HNRNPD: variants seen among roughly 807,000 people sequenced by gnomAD.
The protein encoded by HNRNPD is heterogeneous nuclear ribonucleoprotein D.
HNRNPD carries 3 observed loss-of-function variants against 47.9 expected under a neutral mutation model. The ratio of observed to expected loss-of-function variants is 0.06; its 90% CI spans 0.03 to 0.16. The LOEUF (loss-of-function observed/expected upper bound fraction) is 0.16, where lower values mean the gene tolerates loss of function less well. HNRNPD is among the 10% of genes least tolerant of loss of function. HNRNPD has a pLI of 1.00. For synonymous variants in HNRNPD, 171 were observed against 165.1 expected, an observed-to-expected ratio of 1.04 and a Z score of -0.28; for missense variants, 287 against 454.2, an observed-to-expected ratio of 0.63 and a Z score of 3.35.
chr4:82,362,016 G>A (rs374807901), intron 2 of HNRNPD, among the ~76,000 whole-genome samples: 2 of 152,122 alleles, frequency 1.3e-5, no homozygotes, highest in Non-Finnish European at 2.9e-5. Context: ...TTAAAGCACC[G>A]CCTGCCCTCT....
chr4:82,371,348 A>G (rs1720037499), intron 2 of HNRNPD, among the ~76,000 whole-genome samples, 180 bp downstream of exon 2: 1 of 152,202 alleles, frequency 6.6e-6, no homozygotes, highest in African/African-American at 2.4e-5. Flanking sequence ...AACGGCATCA[A>G]TTTTGCCCAA....
chr4:82,368,354 G>A (rs1032430672), intron 2 of HNRNPD, among the ~76,000 whole-genome samples: 2 of 151,972 alleles, frequency 1.3e-5, no homozygotes, highest in African/African-American at 2.4e-5. Flanking sequence ...AGAGTACCCA[G>A]GAAATATTAA....
chr4:82,373,972 G>A lies in HNRNPD; in HGVS notation c.-294C>T, dbSNP rs552938454. On this transcript the variant is annotated 5_prime_UTR_variant, in exon 1 of 9. Transcript: ENST00000313899. Reference sequence around the variant, plus strand: ...TCCTCGCTTTAATGGCGCCGCCGCGGACCACCTAAAATGGCCGACGGAAGA... The same window carrying A: ...TCCTCGCTTTAATGGCGCCGCCGCGAACCACCTAAAATGGCCGACGGAAGA... 2.6e-5 allele frequency: 17 copies of A among 656,784 alleles called. 1 individual carries two copies. The highest frequency in any genetic ancestry group is 1.6e-4 in the South Asian group (7 of 44,840). 40.7% of individuals were successfully genotyped at this position (656,784 alleles called of 1,614,324 possible). A position where few individuals can be genotyped will look rare whatever the true frequency, so the allele number is the denominator to read the frequency against.
intron 8 of HNRNPD, chr4:82,354,475 A>C (rs1723635021): frequency 6.5e-6 from 1 of 152,674 alleles, no homozygotes; most frequent in Non-Finnish European, 1.5e-5. Context: ...TCTAATATTT[A>C]AGCTTATTTT....
At position 82,356,925 on chromosome 4, in the gene HNRNPD, G is replaced by C. The variant is rs575304975; in HGVS notation, c.754-30C>G. ...AAGAGAAAAATTACATTATTAAACT[G>C]ACTCAAGAAAATAAAAGTTGCTAAA... On this transcript the variant is annotated intron_variant, in intron 5 of 8. Transcript: ENST00000313899. 1.3e-5 allele frequency: 20 copies of C among 1,553,916 alleles called. No individual in the cohort carries two copies. In the South Asian group the frequency reaches 2.2e-4, roughly 17 times the overall value.
At chr4:82,367,172 TA>T (rs539687864) in intron 2 of HNRNPD, among the ~76,000 whole-genome samples, 196 of 152,284 alleles carry the variant, frequency 1.3e-3, no homozygotes, top group African/African-American at 4.4e-3. Flanking sequence ...TAATTAACTT[TA>T]AATGCTTAAT....
Position 82,353,675 on chromosome 4 carries a change from A to C in HNRNPD, c.*510T>G, listed in dbSNP as rs1022155566. On this transcript the variant is annotated 3_prime_UTR_variant, in exon 9 of 9. Coordinates refer to ENST00000313899, the MANE Select transcript of HNRNPD (RefSeq NM_031370.3). ...CCAATTTGGACAGGGAGGACACATT[A>C]TGGCAAAAATTAGATTTTGCTAAAA... is the stretch of plus-strand genomic sequence containing the variant. 2.0e-5 allele frequency: 3 copies of C among 152,672 alleles called. No individual in the cohort carries two copies. Among genetic ancestry groups the C allele is most frequent in the African/African-American group, 7.2e-5 (3 of 41,478 alleles). The allele number at this position is 152,672 out of a possible 1,614,324, so 9.5% of individuals were successfully genotyped here. A position where few individuals can be genotyped will look rare whatever the true frequency, so the allele number is the denominator to read the frequency against.
In HNRNPD at chr4:82,373,550, G is replaced by A. The variant is rs1720237444; in HGVS notation, c.129C>T (p.Ser43=). Reference sequence around the variant, plus strand: ...CGGTTCCGCCCCCGGTCCCGGCTCCGCTTCCCGCCGCCGCCGCTGCCCCCT... The same window carrying A: ...CGGTTCCGCCCCCGGTCCCGGCTCCACTTCCCGCCGCCGCCGCTGCCCCCT... ...ATQGAAAAAG[S]GAGTGGGTAS... is the part of the protein sequence containing the mutation. The change falls in exon 1 of 9, where the codon AGC becomes AGT. Residue 43 remains serine, a synonymous_variant. Coordinates refer to ENST00000313899, the MANE Select transcript of HNRNPD (RefSeq NM_031370.3). 2 of 1,537,280 alleles carry A rather than the reference G, an allele frequency of 1.3e-6. No homozygotes were observed. Among genetic ancestry groups the A allele is most frequent in the Non-Finnish European group, 8.8e-7 (1 of 1,142,496 alleles).
chr4:82,366,706 G>A (rs562686542), intron 2 of HNRNPD, among the ~76,000 whole-genome samples: 8 of 151,906 alleles, frequency 5.3e-5, no homozygotes, highest in East Asian at 3.9e-4. Flanking sequence ...GACTACAGGC[G>A]CATGTAACCA....
chr4:82,360,750 C>T (rs1719367106), intron 2 of HNRNPD, among the ~76,000 whole-genome samples: 2 of 152,116 alleles, frequency 1.3e-5, no homozygotes, highest in African/African-American at 4.8e-5. Flanking sequence ...ATCTTGTGGG[C>T]TTTTAAGATA....
chr4:82,371,444 A>T (rs1359657807), intron 2 of HNRNPD, 84 bp downstream of exon 2: 14 of 1,051,660 alleles, frequency 1.3e-5, no homozygotes, highest in Non-Finnish European at 1.8e-5. Context: ...CTGGGGATCA[A>T]TGGGCAACTA....
Position 82,373,432 on chromosome 4 carries a change from T to C in HNRNPD, c.233+14A>G. The C allele has an allele frequency of 1.1e-5, 18 of 1,571,080 alleles. No homozygotes were observed. Among genetic ancestry groups the C allele is most frequent in the Non-Finnish European group, 1.5e-5 (17 of 1,156,596 alleles). The stretch of plus-strand genomic sequence containing the variant: ...CTAGTTGGGCCTGACTATCCTGGGA[T>C]GCCCCTTACTCACCCTTCATCCTCC... On this transcript the variant is annotated intron_variant, in intron 1 of 8. Coordinates refer to ENST00000313899, the MANE Select transcript of HNRNPD (RefSeq NM_031370.3).
chr4:82,367,626 G>C (rs1429578214), intron 2 of HNRNPD, among the ~76,000 whole-genome samples: 1 of 152,114 alleles, frequency 6.6e-6, no homozygotes, highest in Non-Finnish European at 1.5e-5. Context: ...GTAGTCTGAA[G>C]TCTAGATAAG....
At chr4:82,364,227 A>G (rs567337627) in intron 2 of HNRNPD, among the ~76,000 whole-genome samples, 1 of 152,138 alleles carries the variant, frequency 6.6e-6, no homozygotes, top group Non-Finnish European at 1.5e-5. Context: ...TCAGCCTCCC[A>G]AAGTGCTGGA....
rs1230771866 is a variant in HNRNPD, at chr4:82,363,022, TTA to T, written c.291-3385_291-3384del. Among the ~76,000 whole-genome samples the T allele has an allele frequency of 9.5e-4, 135 of 142,044 alleles. 1 individual carries two copies. Among genetic ancestry groups the T allele is most frequent in the African/African-American group, 3.6e-3 (123 of 34,500 alleles). The allele number at this position is 142,044 out of a possible 152,430, so 93.2% of individuals were successfully genotyped here. ...CCCTCAAACTGATGGCATAATGATT[TTA>T]TATATATATGTGTGTGTGTGTGTGT... is the stretch of plus-strand genomic sequence containing the variant. On this transcript the variant is annotated intron_variant, in intron 2 of 8. Transcript: ENST00000313899.
At chr4:82,361,139 C>T (rs1719395199) in intron 2 of HNRNPD, among the ~76,000 whole-genome samples, 1 of 152,048 alleles carries the variant, frequency 6.6e-6, no homozygotes, top group Non-Finnish European at 1.5e-5. Flanking sequence ...TTACTTCTTG[C>T]CAATTTCATG....
chr4:82,363,571 C>T (rs1443871744), intron 2 of HNRNPD, among the ~76,000 whole-genome samples: 1 of 152,204 alleles, frequency 6.6e-6, no homozygotes, highest in Non-Finnish European at 1.5e-5. Flanking sequence ...ACTTGTTCAA[C>T]TAGCAACAAA....
At position 82,364,101 on chromosome 4, in the gene HNRNPD, C is replaced by T. The variant is rs1719624913; in HGVS notation, c.291-4462G>A. ...AGTTGGTCCTCCCACCTCAGCCTCA[C>T]CAGTAGCTCGGACTACAGGCACCCA... On this transcript the variant is annotated intron_variant, in intron 2 of 8. Coordinates refer to ENST00000313899, the MANE Select transcript of HNRNPD (RefSeq NM_031370.3). 2.6e-5 allele frequency among the ~76,000 whole-genome samples: 4 copies of T among 152,198 alleles called. No individual in the cohort carries two copies. In the South Asian group the frequency reaches 8.3e-4, roughly 32 times the overall value.
intron 8 of HNRNPD, chr4:82,355,077 C>G (rs1376597153): frequency 1.9e-6 from 1 of 524,914 alleles, no homozygotes; most frequent in Non-Finnish European, 3.4e-6. Flanking sequence ...AATTTGTACC[C>G]ATTAGCAGTA....
Sources: gnomAD v4.1 joint callset for allele counts (sites outside exome capture counted in the v4.1 genomes callset) on GRCh38, gnomAD v4.1.1 for gene constraint, MANE v1.5 for transcripts, NCBI Gene and HGNC (gene_info 2026-07-23, HGNC 2026-07-21) for gene names.